The following AHR variants were observed in gnomAD, a reference collection of about 807,000 sequenced individuals.
AHR encodes aryl hydrocarbon receptor, also known as AH-receptor.
A neutral mutation model predicts 86.8 loss-of-function variants in AHR; 40 were observed. The ratio of observed to expected loss-of-function variants is 0.46; its 90% CI spans 0.36 to 0.60. AHR has a LOEUF of 0.60. Among genes scored for constraint, AHR ranks in the 20% least tolerant of loss-of-function variants. The pLI is 0.00. For missense variants in AHR, 1,001 were observed against 1,011.6 expected, an observed-to-expected ratio of 0.99 and a Z score of 0.14; for synonymous variants, 398 against 354.9, an observed-to-expected ratio of 1.12 and a Z score of -1.37.
chr7:17,338,842 G>C (rs1782384207), intron 9 of AHR, 144 bp from the exon 10 acceptor site: 2 of 773,294 alleles, frequency 2.6e-6, no homozygotes, highest in Non-Finnish European at 3.8e-6. Flanking sequence ...CCAGTCATGA[G>C]AATAATTGAG....
chr7:17,314,666 T>C (rs1782098377), intron 2 of AHR, among the ~76,000 whole-genome samples: 1 of 152,084 alleles, frequency 6.6e-6, no homozygotes, highest in Non-Finnish European at 1.5e-5. Flanking sequence ...CGTACATGTG[T>C]ATATGCAAAG....
Position 17,322,505 on chromosome 7 carries a change from A to T in AHR, c.258A>T (p.Ala86=), listed in dbSNP as rs141518984. Residue 86 remains alanine (A), a synonymous_variant, in exon 3 of 11, where the codon GCA becomes GCT. Transcript: ENST00000242057. ...GTTTTTCCTTTTTTTCCATAGTTGC[A>T]TTAAAATCCTCCCCTACTGAAAGAA... ...YLRAKSFFDV[A]LKSSPTERNG... 2.5e-6 allele frequency: 4 copies of T among 1,605,448 alleles called. No homozygotes were observed. In the South Asian group the frequency reaches 4.4e-5, roughly 18 times the overall value.
chr7:17,327,624 T>G, intron 3 of AHR, 135 bp from the exon 4 acceptor site: 1 of 389,100 alleles, frequency 2.6e-6, no homozygotes. Context: ...GGAGTGTATG[T>G]TTTGGCTGTG....
chr7:17,330,883 T>C lies in AHR; in HGVS notation c.702T>C (p.Phe234=), dbSNP rs1272590166. 4.3e-6 allele frequency: 7 copies of C among 1,611,464 alleles called. No homozygotes were observed. The highest frequency in any genetic ancestry group is 5.9e-6 in the Non-Finnish European group (7 of 1,178,344). ...LRCLLDNSSG[F]LAMNFQGKLK... ...GTCTGCTGGATAATTCATCTGGTTT[T>C]CTGGTAAGGTACAAAATTTTATGAT... The change falls in exon 6 of 11, where the codon TTT becomes TTC. Residue 234 remains phenylalanine, a synonymous_variant. Coordinates refer to ENST00000242057, the MANE Select transcript of AHR (RefSeq NM_001621.5).
In AHR at chr7:17,319,604, T is replaced by C. The variant is rs112666606; in HGVS notation, c.254-2897T>C. ...TACAGTGTGTGCCCAATATCACATA[T>C]GAGTACTAAGTAAGGTCACTCCAAT... is the stretch of plus-strand genomic sequence containing the variant. On this transcript the variant is annotated intron_variant, in intron 2 of 10. Coordinates refer to ENST00000242057, the MANE Select transcript of AHR (RefSeq NM_001621.5). Among the ~76,000 whole-genome samples, 127 of 152,284 alleles carry C rather than the reference T, an allele frequency of 8.3e-4. 1 individual carries two copies. Among genetic ancestry groups the C allele is most frequent in the African/African-American group, 2.9e-3 (122 of 41,574 alleles).
At position 17,344,132 on chromosome 7, in the gene AHR, A is replaced by T. The variant is rs1024840398; in HGVS notation, c.*1068A>T. 2 of 152,744 alleles carry T rather than the reference A, an allele frequency of 1.3e-5. No homozygotes were observed. Among genetic ancestry groups the T allele is most frequent in the South Asian group, 4.1e-4 (2 of 4,834 alleles). The allele number at this position is 152,744 out of a possible 1,614,324, so 9.5% of individuals were successfully genotyped here. On this transcript the variant is annotated 3_prime_UTR_variant, in exon 11 of 11. Coordinates refer to ENST00000242057, the MANE Select transcript of AHR (RefSeq NM_001621.5). ...AAGCAAAGCACCCATTTCAATGTGT[A>T]TAAATTGTCTTTAAAAACTGTTTTA...
In AHR at chr7:17,343,061, G is replaced by T. The variant is rs939690812; in HGVS notation, c.2544G>T (p.Leu848=). The part of the protein sequence containing the change: ...PFPDLTSSGF[L] ...CTGATTTGACATCCAGTGGATTCCT[G>T]TAATTCCAAGCCCAATTTTGACCCT... The change falls in exon 11 of 11, where the codon CTG becomes CTT. Residue 848 remains leucine, a synonymous_variant. Transcript: ENST00000242057. The T allele has an allele frequency of 6.2e-7, 1 of 1,613,498 alleles. No homozygotes were observed. Among genetic ancestry groups the T allele is most frequent in the African/African-American group, 1.3e-5 (1 of 74,882 alleles).
At chr7:17,330,448 G>A (rs1345161779) in intron 5 of AHR, among the ~76,000 whole-genome samples, 1 of 151,870 alleles carries the variant, frequency 6.6e-6, no homozygotes, top group Non-Finnish European at 1.5e-5. Context: ...GTATAAAAAT[G>A]CTTTTCTCAA....
In AHR at chr7:17,345,464, T is replaced by C. The variant is rs934804028; in HGVS notation, c.*2400T>C. 6.5e-6 allele frequency: 1 copy of C among 152,686 alleles called. No individual in the cohort carries two copies. The highest frequency in any genetic ancestry group is 2.4e-5 in the African/African-American group (1 of 41,446). The allele number at this position is 152,686 out of a possible 1,614,324, so 9.5% of individuals were successfully genotyped here. A position where few individuals can be genotyped will look rare whatever the true frequency, so the allele number is the denominator to read the frequency against. On this transcript the variant is annotated 3_prime_UTR_variant, in exon 11 of 11. Coordinates refer to ENST00000242057, the MANE Select transcript of AHR (RefSeq NM_001621.5). ...ATCAATTTAAGTGTTGGAAAAAATTTGTCTGAAACATTTCATAATTTGTTT... is the reference window on the plus strand; with the variant it reads ...ATCAATTTAAGTGTTGGAAAAAATTCGTCTGAAACATTTCATAATTTGTTT...
chr7:17,320,863 G>A (rs1379320020), intron 2 of AHR, among the ~76,000 whole-genome samples: 1 of 152,092 alleles, frequency 6.6e-6, no homozygotes, highest in African/African-American at 2.4e-5. Flanking sequence ...TACATTCAGA[G>A]ACCGTGCTTT....
intron 9 of AHR, among the ~76,000 whole-genome samples, chr7:17,337,732 C>A (rs1386772100): frequency 6.6e-6 from 1 of 151,510 alleles, no homozygotes; most frequent in African/African-American, 2.4e-5. Flanking sequence ...GCCTCAGCCT[C>A]CCAAAGTGCT....
chr7:17,339,381 A>T lies in AHR; in HGVS notation c.1556A>T (p.Asp519Val), dbSNP rs746557881. The change falls in exon 10 of 11, where the codon GAT becomes GTT. Residue 519 changes from aspartate to valine, a missense_variant. Asp to Val is a radical substitution (Grantham distance 152). Coordinates refer to ENST00000242057, the MANE Select transcript of AHR (RefSeq NM_001621.5). The part of the protein sequence containing the change: ...LKHEQIDQPQ[D>V]VNSFAGGHPG... ...CATGAGCAAATTGACCAGCCTCAGG[A>T]TGTGAACTCATTTGCTGGAGGTCAC... 5.0e-6 allele frequency: 8 copies of T among 1,614,112 alleles called. No individual in the cohort carries two copies. Among genetic ancestry groups the T allele is most frequent in the Non-Finnish European group, 6.8e-6 (8 of 1,180,046 alleles).
chr7:17,337,651 A>G (rs62446365), intron 9 of AHR, among the ~76,000 whole-genome samples: 43 of 149,780 alleles, frequency 2.9e-4, no homozygotes, highest in Non-Finnish European at 5.3e-4. Flanking sequence ...ATTTTTTTGT[A>G]TTTTTAGTAG....
At chr7:17,326,864 A>G (rs1242211474) in intron 3 of AHR, among the ~76,000 whole-genome samples, 1 of 152,148 alleles carries the variant, frequency 6.6e-6, no homozygotes, top group Non-Finnish European at 1.5e-5. Flanking sequence ...CATAGTAAAG[A>G]ATAGATCAAG....
intron 2 of AHR, among the ~76,000 whole-genome samples, chr7:17,317,051 G>C (rs1010318621): frequency 2.0e-5 from 3 of 146,692 alleles, no homozygotes; most frequent in African/African-American, 7.5e-5. Context: ...AATTGTTACT[G>C]TTATGGAAAT....
intron 2 of AHR, among the ~76,000 whole-genome samples, chr7:17,310,520 T>TA (rs1337486330): frequency 1.3e-5 from 2 of 151,816 alleles, no homozygotes; most frequent in Admixed American, 6.6e-5. Context: ...CCTCCAAACT[T>TA]ACGTATATTT....
Position 17,299,079 on chromosome 7 carries a change from G to T in AHR, c.-186G>T, listed in dbSNP as rs1010511210. On this transcript the variant is annotated 5_prime_UTR_variant, in exon 1 of 11. Transcript: ENST00000242057. ...GCTCACCTGTACTGGCGCGGGCTGC[G>T]GAAGCCTGCGTGAGCCGAGGCGTTG... 5.1e-6 allele frequency: 3 copies of T among 586,650 alleles called. No homozygotes were observed. Among genetic ancestry groups the T allele is most frequent in the Non-Finnish European group, 5.6e-6 (2 of 359,794 alleles). The allele number at this position is 586,650 out of a possible 1,614,324, so 36.3% of individuals were successfully genotyped here. A position where few individuals can be genotyped will look rare whatever the true frequency, so the allele number is the denominator to read the frequency against.
At chr7:17,301,495 T>C (rs1488617432) in intron 1 of AHR, among the ~76,000 whole-genome samples, 1 of 151,964 alleles carries the variant, frequency 6.6e-6, no homozygotes, top group Non-Finnish European at 1.5e-5. Context: ...AGAGCCATTT[T>C]ATTTTATTTA....
rs762053323 is a variant in AHR at position 17,343,041 on chromosome 7, T to A, written c.2524T>A (p.Leu842Met). 13 of 1,613,814 alleles carry A rather than the reference T, an allele frequency of 8.1e-6. No individual in the cohort carries two copies. Among genetic ancestry groups the A allele is most frequent in the Middle Eastern group, 1.6e-4 (1 of 6,084 alleles). The change falls in exon 11 of 11, where the codon TTG becomes ATG. Residue 842 changes from leucine (L) to methionine (M), a missense_variant. Around this residue, in one of 2 missense-constraint regions of AHR, gnomAD observed 607 missense variants for 543.1 expected, o/e 1.12. Transcript: ENST00000242057. ...HPSEARPFPD[L>M]TSSGFL Reference sequence around the variant, plus strand: ...GTCAGAAGCCAGACCTTTTCCTGATTTGACATCCAGTGGATTCCTGTAATT... The same window carrying A: ...GTCAGAAGCCAGACCTTTTCCTGATATGACATCCAGTGGATTCCTGTAATT...
Sources: allele counts gnomAD v4.1 joint callset (sites outside exome capture counted in the v4.1 genomes callset), GRCh38; gene constraint gnomAD v4.1.1; regional missense constraint gnomAD v4.1.1; transcripts MANE v1.5; gene names NCBI Gene and HGNC (gene_info 2026-07-23, HGNC 2026-07-21).